Variants in THRB observed in about 807,000 individuals in gnomAD.
THRB encodes thyroid hormone receptor beta, also known as nuclear receptor subfamily 1 group A member 2.
THRB carries 12 observed loss-of-function variants against 47.8 expected under a neutral mutation model. The ratio of observed to expected loss-of-function variants is 0.25; its 90% CI spans 0.16 to 0.41. The LOEUF is 0.41. Among genes scored for constraint, THRB ranks in the 10% least tolerant of loss-of-function variants. The pLI is 1.00. For missense variants in THRB, 348 were observed against 589.2 expected (o/e 0.59, Z 4.24); for synonymous variants, 218 against 212.2 (o/e 1.03, Z -0.24).
intron 5 of THRB, among the ~76,000 whole-genome samples, chr3:24,181,557 T>C (rs1413006658): frequency 1.3e-5 from 2 of 152,218 alleles, no homozygotes; most frequent in Non-Finnish European, 2.9e-5. Flanking sequence ...TTTGTCTAGA[T>C]TTGGCTGGAA....
rs2031621221 is a variant in THRB at position 24,121,186 on chromosome 3, G to C, written c.*1698C>G. ...AATATTAAGGGCAGGAAGGGTTTTA[G>C]AGATCATGACTTATTCACCAGGTAA... On this transcript the variant is annotated 3_prime_UTR_variant, in exon 11 of 11. Transcript: ENST00000646209. 6.6e-6 allele frequency: 1 copy of C among 152,172 alleles called. No homozygotes were observed. The allele number at this position is 152,172 out of a possible 1,614,324, so 9.4% of individuals were successfully genotyped here.
At chr3:24,278,366 G>A (rs1047878405) in intron 3 of THRB, among the ~76,000 whole-genome samples, 1 of 152,178 alleles carries the variant, frequency 6.6e-6, no homozygotes, top group East Asian at 1.9e-4. Flanking sequence ...TTGCTGAGAA[G>A]TTATGTAATA....
chr3:24,154,860 C>T (rs2037570019), intron 5 of THRB, among the ~76,000 whole-genome samples: 1 of 152,096 alleles, frequency 6.6e-6, no homozygotes, highest in Non-Finnish European at 1.5e-5. Context: ...GTATGGAATG[C>T]AGAGATAAGG....
intron 8 of THRB, among the ~76,000 whole-genome samples, chr3:24,142,588 C>T (rs1287323410): frequency 5.9e-5 from 9 of 152,204 alleles, no homozygotes; most frequent in Non-Finnish European, 1.3e-4. Context: ...AATGAAACCA[C>T]AGAATATCTG....
At chr3:24,302,867 T>G (rs142610873) in intron 2 of THRB, among the ~76,000 whole-genome samples, 309 of 152,358 alleles carry the variant, frequency 2.0e-3, no homozygotes, top group African/African-American at 6.3e-3. Context: ...TGCTTATTAT[T>G]CAGTGAGTGT....
In THRB at chr3:24,327,369, A is replaced by G. The variant is rs556927065; in HGVS notation, c.-189+9931T>C. Reference sequence around the variant, plus strand: ...AAGAGTTGCTGTAAGAGTATTGGGAAATCCTAATGGTAAGTGTTTAAATCA... The same window carrying G: ...AAGAGTTGCTGTAAGAGTATTGGGAGATCCTAATGGTAAGTGTTTAAATCA... On this transcript the variant is annotated intron_variant, in intron 2 of 10. Transcript: ENST00000646209. Among the ~76,000 whole-genome samples the G allele has an allele frequency of 2.0e-5, 3 of 152,312 alleles. No individual in the cohort carries two copies. The South Asian group carries it at 6.2e-4, about 32-fold the overall frequency.
chr3:24,365,383 G>C (rs1042348931), intron 1 of THRB, among the ~76,000 whole-genome samples: 5 of 152,154 alleles, frequency 3.3e-5, no homozygotes, highest in African/African-American at 1.2e-4. Flanking sequence ...CCAACTTCGT[G>C]TCACTGGACT....
chr3:24,270,622 A>AGTTC (rs2053228649), intron 3 of THRB, among the ~76,000 whole-genome samples: 1 of 152,228 alleles, frequency 6.6e-6, no homozygotes, highest in Non-Finnish European at 1.5e-5. Flanking sequence ...GGTCTTGAAA[A>AGTTC]GACAGCTAAC....
Position 24,314,467 on chromosome 3 carries a change from T to G in THRB, c.-188-17096A>C, listed in dbSNP as rs546522166. Among the ~76,000 whole-genome samples the G allele has an allele frequency of 3.3e-5, 5 of 152,342 alleles. No individual in the cohort carries two copies. The South Asian group carries it at 1.0e-3, about 32-fold the overall frequency. On this transcript the variant is annotated intron_variant, in intron 2 of 10. Transcript: ENST00000646209. ...CAGGGTCCTGTGAGATCCCTGCTAT[T>G]ATGTGGCAATTTTGCATTTATAATA...
At chr3:24,359,521 C>A (rs1165465624) in intron 1 of THRB, among the ~76,000 whole-genome samples, 1 of 152,052 alleles carries the variant, frequency 6.6e-6, no homozygotes, top group Non-Finnish European at 1.5e-5. Flanking sequence ...GGATATAGAC[C>A]TTTATCTCTT....
At chr3:24,238,285 G>A (rs1169825751) in intron 3 of THRB, among the ~76,000 whole-genome samples, 1 of 127,100 alleles carries the variant, frequency 7.9e-6, no homozygotes, top group African/African-American at 2.7e-5. Flanking sequence ...GTGTGGGGGG[G>A]GGGGGGGTGT....
intron 4 of THRB, among the ~76,000 whole-genome samples, chr3:24,212,066 C>T (rs571388874): frequency 6.6e-6 from 1 of 152,110 alleles, no homozygotes; most frequent in South Asian, 2.1e-4. Flanking sequence ...GAGTTAGAGA[C>T]CAGCCTGGCC....
intron 1 of THRB, among the ~76,000 whole-genome samples, chr3:24,424,449 A>T (rs745991204): frequency 6.6e-5 from 10 of 151,942 alleles, no homozygotes; most frequent in Non-Finnish European, 1.3e-4. Flanking sequence ...AGTAAGCAGC[A>T]TTGGCAATAT....
intron 5 of THRB, among the ~76,000 whole-genome samples, chr3:24,168,002 C>T (rs1020627086): frequency 1.3e-5 from 2 of 151,952 alleles, no homozygotes; most frequent in African/African-American, 2.4e-5. Context: ...TTTAAAAAAT[C>T]CTGAATTCCC....
chr3:24,176,388 C>A (rs1320078484), intron 5 of THRB, among the ~76,000 whole-genome samples: 2 of 152,078 alleles, frequency 1.3e-5, no homozygotes, highest in African/African-American at 4.8e-5. Context: ...CTTTCTTTAT[C>A]CCAGAATAGC....
intron 1 of THRB, among the ~76,000 whole-genome samples, chr3:24,442,935 C>T (rs1036146721): frequency 1.2e-4 from 18 of 152,124 alleles, no homozygotes; most frequent in African/African-American, 4.3e-4. Context: ...ATAATCCCAG[C>T]ATTCTGGGAG....
At position 24,277,176 on chromosome 3, in the gene THRB, C is replaced by A. The variant is rs73148339; in HGVS notation, c.-43+20050G>T. Among the ~76,000 whole-genome samples, 162 of 152,188 alleles carry A rather than the reference C, an allele frequency of 1.1e-3. 1 individual carries two copies. Among genetic ancestry groups the A allele is most frequent in the African/African-American group, 3.8e-3 (156 of 41,504 alleles). On this transcript the variant is annotated intron_variant, in intron 3 of 10. Coordinates refer to ENST00000646209, the MANE Select transcript of THRB (RefSeq NM_001354712.2). The stretch of plus-strand genomic sequence containing the variant: ...CAATTTTGCAATTTTGGGAAGGGAG[C>A]AATTTTGCACCTTCCATCCCACCCC...
At chr3:24,389,905 A>T (rs937212400) in intron 1 of THRB, among the ~76,000 whole-genome samples, 1 of 152,184 alleles carries the variant, frequency 6.6e-6, no homozygotes, top group Non-Finnish European at 1.5e-5. Context: ...TCCACAAGAG[A>T]TGCAGTTGAA....
chr3:24,159,919 AAT>A (rs1240500573), intron 5 of THRB, among the ~76,000 whole-genome samples: 1 of 152,194 alleles, frequency 6.6e-6, no homozygotes, highest in African/African-American at 2.4e-5. Flanking sequence ...CTTTATATAT[AAT>A]ATATTACTTT....
Sources: gnomAD v4.1 joint callset for allele counts (sites outside exome capture counted in the v4.1 genomes callset) on GRCh38, gnomAD v4.1.1 for gene constraint, MANE v1.5 for transcripts, NCBI Gene and HGNC (gene_info 2026-07-23, HGNC 2026-07-21) for gene names.